Variants in MMP16 observed in about 807,000 individuals in gnomAD.
The protein encoded by MMP16 is matrix metallopeptidase 16.
In MMP16, 12 loss-of-function variants were observed where a neutral mutation model predicts 67.8. The ratio of observed to expected loss-of-function variants is 0.18; its 90% CI spans 0.11 to 0.29. The LOEUF (loss-of-function observed/expected upper bound fraction) is 0.29, where lower values mean the gene tolerates loss of function less well. MMP16 is among the 10% of genes least tolerant of loss of function. The pLI is 1.00. For missense variants in MMP16, 475 were observed against 765.7 expected (o/e 0.62, Z 4.48); for synonymous variants, 249 against 255.9 (o/e 0.97, Z 0.26).
intron 7 of MMP16, among the ~76,000 whole-genome samples, chr8:88,073,247 G>A (rs1808591773): frequency 1.3e-5 from 2 of 152,216 alleles, no homozygotes; most frequent in African/African-American, 4.8e-5. Flanking sequence ...TTTGTCCACT[G>A]TGGTGCGGTG....
chr8:88,142,071 A>T (rs923049538), intron 4 of MMP16, among the ~76,000 whole-genome samples: 1 of 146,578 alleles, frequency 6.8e-6, no homozygotes, highest in African/African-American at 2.5e-5. Context: ...CGCACAGCTA[A>T]TTTTTTTTTT....
chr8:88,266,806 C>T (rs1396670307), intron 1 of MMP16, among the ~76,000 whole-genome samples: 3 of 152,284 alleles, frequency 2.0e-5, no homozygotes, highest in Non-Finnish European at 2.9e-5. Context: ...TGCAATCTTC[C>T]TCTACCAAAT....
intron 4 of MMP16, among the ~76,000 whole-genome samples, chr8:88,157,615 G>T (rs1808532762): frequency 6.6e-6 from 1 of 151,794 alleles, no homozygotes; most frequent in Admixed American, 6.6e-5. Context: ...ACAGCGGCAA[G>T]AAATAAAATC....
chr8:88,274,307 C>T (rs1810611623), intron 1 of MMP16, among the ~76,000 whole-genome samples: 1 of 152,034 alleles, frequency 6.6e-6, no homozygotes, highest in Non-Finnish European at 1.5e-5. Context: ...AAATATGCTT[C>T]TAAGGGAGGG....
At chr8:88,256,714 C>A (rs987637931) in intron 1 of MMP16, among the ~76,000 whole-genome samples, 3 of 151,514 alleles carry the variant, frequency 2.0e-5, no homozygotes, top group Non-Finnish European at 4.4e-5. Flanking sequence ...CCCACACACA[C>A]CATCCATCAG....
At chr8:88,250,778 T>TA (rs1810198491) in intron 1 of MMP16, among the ~76,000 whole-genome samples, 1 of 151,374 alleles carries the variant, frequency 6.6e-6, no homozygotes, top group African/African-American at 2.4e-5. Flanking sequence ...TTTTTTTTTT[T>TA]AATTTTTTTT....
At chr8:88,303,159 G>T (rs1401561785) in intron 1 of MMP16, among the ~76,000 whole-genome samples, 1 of 152,212 alleles carries the variant, frequency 6.6e-6, no homozygotes, top group Non-Finnish European at 1.5e-5. Flanking sequence ...TGGCAAGGAG[G>T]GAGATACAAA....
intron 4 of MMP16, among the ~76,000 whole-genome samples, chr8:88,157,628 T>A (rs548271885): frequency 2.9e-4 from 44 of 151,940 alleles, no homozygotes; most frequent in Non-Finnish European, 3.7e-4. Flanking sequence ...ATAAAATCAG[T>A]TGTGTTAAGC....
chr8:88,069,599 T>A, intron 7 of MMP16: 1 of 454,090 alleles, frequency 2.2e-6, no homozygotes, highest in East Asian at 7.0e-5. Flanking sequence ...TAGGCAGGCT[T>A]ATTGCTAATT....
At chr8:88,191,183 T>C (rs1809164096) in intron 2 of MMP16, among the ~76,000 whole-genome samples, 2 of 152,130 alleles carry the variant, frequency 1.3e-5, no homozygotes, top group African/African-American at 4.8e-5. Flanking sequence ...GAGAGGAGTA[T>C]AAAAATTGAA....
At chr8:88,131,587 T>G (rs1037086489) in intron 4 of MMP16, among the ~76,000 whole-genome samples, 8 of 151,766 alleles carry the variant, frequency 5.3e-5, no homozygotes, top group African/African-American at 1.7e-4. Flanking sequence ...ATTAATGGAG[T>G]GTTAACAAAA....
intron 1 of MMP16, among the ~76,000 whole-genome samples, chr8:88,274,466 A>T (rs1252206180): frequency 1.3e-5 from 2 of 152,094 alleles, no homozygotes; most frequent in African/African-American, 4.8e-5. Context: ...AGCTCCTTGC[A>T]TGTTCCTAAA....
intron 1 of MMP16, among the ~76,000 whole-genome samples, chr8:88,214,106 C>T (rs1809551752): frequency 1.3e-5 from 2 of 152,152 alleles, no homozygotes; most frequent in African/African-American, 2.4e-5. Flanking sequence ...AATACATAAA[C>T]GTGATGACTC....
At chr8:88,317,543 C>G (rs1205292531) in intron 1 of MMP16, among the ~76,000 whole-genome samples, 1 of 152,132 alleles carries the variant, frequency 6.6e-6, no homozygotes, top group Non-Finnish European at 1.5e-5. Context: ...GTTCATGTCA[C>G]TCACTTCTTT....
intron 1 of MMP16, among the ~76,000 whole-genome samples, chr8:88,257,336 G>A (rs1008880842): frequency 1.3e-4 from 20 of 152,210 alleles, no homozygotes; most frequent in African/African-American, 4.1e-4. Flanking sequence ...GTAGAGTAGA[G>A]TAGAGAAAGG....
intron 4 of MMP16, among the ~76,000 whole-genome samples, chr8:88,160,627 G>T (rs2129680008): frequency 6.6e-6 from 1 of 152,134 alleles, no homozygotes; most frequent in Admixed American, 6.6e-5. Flanking sequence ...AAAAAGTCAG[G>T]AAACAACAGG....
chr8:88,177,977 T>C (rs1157316678), intron 3 of MMP16, among the ~76,000 whole-genome samples: 1 of 151,804 alleles, frequency 6.6e-6, no homozygotes, highest in Non-Finnish European at 1.5e-5. Context: ...TAAAGAGGAA[T>C]TTCTAGAGAT....
intron 1 of MMP16, among the ~76,000 whole-genome samples, chr8:88,305,784 A>G (rs1226728826): frequency 6.6e-6 from 1 of 152,188 alleles, no homozygotes; most frequent in African/African-American, 2.4e-5. Context: ...ACACAGCTAA[A>G]GCAGTGTTAA....
intron 7 of MMP16, among the ~76,000 whole-genome samples, chr8:88,066,799 A>AG (rs2118254121): frequency 6.6e-6 from 1 of 152,242 alleles, no homozygotes; most frequent in South Asian, 2.1e-4. Context: ...TGTACCGATA[A>AG]TCATTTCACA....
Sources: allele counts gnomAD v4.1 joint callset (sites outside exome capture counted in the v4.1 genomes callset), GRCh38; gene constraint gnomAD v4.1.1; transcripts MANE v1.5; gene names NCBI Gene and HGNC (gene_info 2026-07-23, HGNC 2026-07-21).